TAOK3: variants seen among roughly 807,000 people sequenced by gnomAD.
The protein encoded by TAOK3 is TAO kinase 3, also known as serine/threonine-protein kinase TAO3.
Under a neutral mutation model 120.4 loss-of-function variants are expected in TAOK3, and 40 were observed. That is an observed-to-expected ratio of 0.33 (90% CI 0.26 to 0.43). TAOK3 has a LOEUF of 0.43. TAOK3 is among the 20% of genes least tolerant of loss of function. The pLI, the probability that TAOK3 is intolerant of heterozygous loss-of-function variation, is 1.00. For synonymous variants in TAOK3, 355 were observed against 387.5 expected, an observed-to-expected ratio of 0.92 and a Z score of 0.99; for missense variants, 821 against 1,112.1, an observed-to-expected ratio of 0.74 and a Z score of 3.72.
In TAOK3 at chr12:118,267,902, A is replaced by C. The variant is rs968845577; in HGVS notation, c.-193-1143T>G. Among the ~76,000 whole-genome samples the C allele has an allele frequency of 1.5e-4, 23 of 148,814 alleles. No homozygotes were observed. The East Asian group carries it at 4.5e-3, about 29-fold the overall frequency. On this transcript the variant is annotated intron_variant, in intron 1 of 20. Coordinates refer to ENST00000392533, the MANE Select transcript of TAOK3 (RefSeq NM_016281.4). ...TCCATCTCAAAAAAAAAAAAAAAAA[A>C]GGAAAGAAAAAAATCCATAATCCTA...
chr12:118,275,828 A>G (rs943622947), intron 1 of TAOK3, among the ~76,000 whole-genome samples: 10 of 152,228 alleles, frequency 6.6e-5, no homozygotes, highest in Non-Finnish European at 1.3e-4. Context: ...CAGGCAGGAT[A>G]GATCTCTCTG....
chr12:118,300,835 G>A (rs1207541265), intron 1 of TAOK3, among the ~76,000 whole-genome samples: 1 of 151,856 alleles, frequency 6.6e-6, no homozygotes, highest in African/African-American at 2.4e-5. Context: ...GAGTGCAATG[G>A]CACAATCTTG....
chr12:118,220,262 A>G (rs1213624578), intron 9 of TAOK3, among the ~76,000 whole-genome samples: 3 of 152,234 alleles, frequency 2.0e-5, no homozygotes, highest in East Asian at 3.9e-4. Flanking sequence ...GGCAGGAACA[A>G]CATCTATCAT....
rs140937156 is a variant in TAOK3, at chr12:118,240,967, T to A, written c.295-1695A>T. On this transcript the variant is annotated intron_variant, in intron 5 of 20. Transcript: ENST00000392533. ...AAATTTAGAAACTATTATACTTTTA[T>A]AGTTATATATTATAAATATCAATAT... Among the ~76,000 whole-genome samples, 1,304 of 149,838 alleles carry A rather than the reference T, an allele frequency of 8.7e-3. 12 individuals carry two copies. The highest frequency in any genetic ancestry group is 0.029 in the African/African-American group (1,202 of 41,114).
At chr12:118,356,903 C>G (rs970881987) in intron 1 of TAOK3, among the ~76,000 whole-genome samples, 4 of 152,126 alleles carry the variant, frequency 2.6e-5, no homozygotes, top group African/African-American at 7.2e-5. Context: ...ACCTGGGTGA[C>G]AGGGTGAGAC....
At chr12:118,308,931 C>CA (rs60574584) in intron 1 of TAOK3, among the ~76,000 whole-genome samples, 2,633 of 29,950 alleles carry the variant, frequency 0.088, 785 homozygotes, top group Middle Eastern at 0.15. Flanking sequence ...ACTCTGTCTC[C>CA]AAAAAAAAAA....
chr12:118,191,265 T>C (rs1202643044), intron 13 of TAOK3, among the ~76,000 whole-genome samples: 1 of 152,224 alleles, frequency 6.6e-6, no homozygotes, highest in Non-Finnish European at 1.5e-5. Context: ...AATGCTTTGA[T>C]GTATTGGGAA....
intron 9 of TAOK3, among the ~76,000 whole-genome samples, chr12:118,224,395 AAGAAAATTCCAGGC>A (rs1206676362): frequency 2.0e-5 from 3 of 152,374 alleles, no homozygotes; most frequent in African/African-American, 7.2e-5. Flanking sequence ...AATGTATAAG[AAGAAAATTCCAGGC>A]AGAGAATCTA....
At chr12:118,272,938 T>C (rs1052464736) in intron 1 of TAOK3, among the ~76,000 whole-genome samples, 3 of 151,984 alleles carry the variant, frequency 2.0e-5, no homozygotes, top group African/African-American at 7.3e-5. Context: ...ATTGTGCCAC[T>C]GCACTCCAAC....
At chr12:118,202,994 G>A (rs2038107038) in intron 11 of TAOK3, among the ~76,000 whole-genome samples, 1 of 151,772 alleles carries the variant, frequency 6.6e-6, no homozygotes, top group Non-Finnish European at 1.5e-5. Flanking sequence ...TGCCTTGGCT[G>A]GTCTTAAACT....
intron 5 of TAOK3, among the ~76,000 whole-genome samples, chr12:118,241,270 A>T (rs2040239214): frequency 6.6e-6 from 1 of 151,960 alleles, no homozygotes; most frequent in Non-Finnish European, 1.5e-5. Context: ...CTTATTTCTT[A>T]TTATAAAATG....
chr12:118,329,939 A>G (rs2044075387), intron 1 of TAOK3, among the ~76,000 whole-genome samples: 1 of 152,296 alleles, frequency 6.6e-6, no homozygotes, highest in East Asian at 1.9e-4. Context: ...TTCAAAAATA[A>G]TGACAAGAGA....
chr12:118,213,951 T>C (rs564680050), intron 10 of TAOK3, 66 bp downstream of exon 10: 55 of 1,344,478 alleles, frequency 4.1e-5, no homozygotes, highest in Middle Eastern at 1.8e-4. Flanking sequence ...TAAAATGTAA[T>C]GTAATAAAAA....
chr12:118,305,405 G>A (rs1195708986), intron 1 of TAOK3, among the ~76,000 whole-genome samples: 14 of 151,670 alleles, frequency 9.2e-5, no homozygotes, highest in Admixed American at 2.6e-4. Context: ...CCTGGGAGGC[G>A]GAGGTTGCAG....
At chr12:118,364,843 T>A (rs1322161577) in intron 1 of TAOK3, among the ~76,000 whole-genome samples, 1 of 152,210 alleles carries the variant, frequency 6.6e-6, no homozygotes, top group Non-Finnish European at 1.5e-5. Flanking sequence ...AGGCGGATGT[T>A]GCAGTGAGCC....
At chr12:118,213,290 T>G (rs1029032112) in intron 10 of TAOK3, among the ~76,000 whole-genome samples, 1 of 152,146 alleles carries the variant, frequency 6.6e-6, no homozygotes. Context: ...AAAAGTTTTA[T>G]ATACATTTTT....
At chr12:118,204,996 T>TC (rs749113309) in intron 11 of TAOK3, among the ~76,000 whole-genome samples, 1 of 151,644 alleles carries the variant, frequency 6.6e-6, no homozygotes, top group Non-Finnish European at 1.5e-5. Context: ...ATGATGAAAC[T>TC]CCGTCTCTAC....
intron 1 of TAOK3, among the ~76,000 whole-genome samples, chr12:118,284,862 G>A (rs990353654): frequency 1.3e-5 from 2 of 151,940 alleles, no homozygotes; most frequent in Non-Finnish European, 2.9e-5. Context: ...TCTATAATTA[G>A]GCATTCACCT....
At chr12:118,182,614 TA>T (rs1479587070) in intron 14 of TAOK3, among the ~76,000 whole-genome samples, 3 of 86,262 alleles carry the variant, frequency 3.5e-5, no homozygotes, top group African/African-American at 1.6e-4. Flanking sequence ...TATATATATA[TA>T]TATATATATT....
Sources: gnomAD v4.1 joint callset for allele counts (sites outside exome capture counted in the v4.1 genomes callset) on GRCh38, gnomAD v4.1.1 for gene constraint, MANE v1.5 for transcripts, NCBI Gene and HGNC (gene_info 2026-07-23, HGNC 2026-07-21) for gene names.